Variants in ADAMTSL1 observed in about 807,000 individuals in gnomAD.
ADAMTSL1 encodes the protein ADAMTS-like protein 1.
ADAMTSL1 carries 126 observed loss-of-function variants against 201.8 expected under a neutral mutation model. That is an observed-to-expected ratio of 0.62 (90% CI 0.54 to 0.72). ADAMTSL1 has a LOEUF of 0.72. ADAMTSL1 is among the 30% of genes least tolerant of loss of function. The pLI is 0.00. For missense variants in ADAMTSL1, 2,679 were observed against 2,277.8 expected (o/e 1.18, Z -3.59); for synonymous variants, 1,121 against 903.4 (o/e 1.24, Z -4.32).
chr9:18,219,339 T>G (rs1033385079), intron 2 of ADAMTSL1, among the ~76,000 whole-genome samples: 1 of 143,126 alleles, frequency 7.0e-6, no homozygotes, highest in African/African-American at 2.6e-5. Context: ...TATTTACATT[T>G]TATTTTTATT....
intron 23 of ADAMTSL1, among the ~76,000 whole-genome samples, chr9:18,830,605 C>T (rs934379619): frequency 2.0e-5 from 3 of 151,972 alleles, no homozygotes; most frequent in Admixed American, 6.6e-5. Context: ...AGGAGTTGTA[C>T]GAGGGCATTC....
At chr9:17,907,738 G>A (rs527752734) in intron 1 of ADAMTSL1, among the ~76,000 whole-genome samples, 1 of 152,298 alleles carries the variant, frequency 6.6e-6, no homozygotes, top group South Asian at 2.1e-4. Flanking sequence ...GAAGAGGGCA[G>A]GGGTCCAGGG....
intron 1 of ADAMTSL1, among the ~76,000 whole-genome samples, chr9:18,002,843 G>C (rs1227305833): frequency 6.6e-6 from 1 of 152,028 alleles, no homozygotes; most frequent in East Asian, 1.9e-4. Flanking sequence ...GACTTACCCA[G>C]AGCCAGATAA....
intron 2 of ADAMTSL1, among the ~76,000 whole-genome samples, chr9:18,262,116 A>C (rs964934952): frequency 1.3e-5 from 2 of 152,246 alleles, no homozygotes; most frequent in African/African-American, 2.4e-5. Flanking sequence ...AGATATAGCC[A>C]GGCAAACCCT....
intron 26 of ADAMTSL1, among the ~76,000 whole-genome samples, chr9:18,895,379 C>G (rs753298605): frequency 2.6e-5 from 4 of 152,184 alleles, no homozygotes; most frequent in Non-Finnish European, 5.9e-5. Context: ...AAACAGCCAT[C>G]TTTAAGATGA....
At chr9:18,572,511 C>T (rs1822397428) in intron 3 of ADAMTSL1, among the ~76,000 whole-genome samples, 1 of 152,114 alleles carries the variant, frequency 6.6e-6, no homozygotes. Context: ...TTCTTTTCCT[C>T]TGCTACTATG....
intron 2 of ADAMTSL1, among the ~76,000 whole-genome samples, chr9:18,391,310 A>AT (rs572996195): frequency 7.4e-4 from 113 of 152,090 alleles, no homozygotes; most frequent in Non-Finnish European, 1.5e-3. Flanking sequence ...ATTACTAGAG[A>AT]TTTTTTAGTG....
intron 1 of ADAMTSL1, among the ~76,000 whole-genome samples, chr9:18,070,610 T>C (rs932587150): frequency 1.1e-4 from 16 of 152,138 alleles, no homozygotes; most frequent in Non-Finnish European, 1.9e-4. Context: ...TCTAGTAAGC[T>C]TGAACTAAAT....
At chr9:18,624,817 G>A (rs1161569134) in intron 5 of ADAMTSL1, among the ~76,000 whole-genome samples, 1 of 152,096 alleles carries the variant, frequency 6.6e-6, no homozygotes, top group Non-Finnish European at 1.5e-5. Context: ...TCAATGAAAA[G>A]TGCCCTATTC....
At chr9:18,250,865 G>T (rs891930183) in intron 2 of ADAMTSL1, among the ~76,000 whole-genome samples, 1 of 152,144 alleles carries the variant, frequency 6.6e-6, no homozygotes, top group East Asian at 1.9e-4. Context: ...GTTTGCCACT[G>T]CTAAGGAATC....
At chr9:18,195,447 G>A (rs1453072534) in intron 2 of ADAMTSL1, among the ~76,000 whole-genome samples, 1 of 152,134 alleles carries the variant, frequency 6.6e-6, no homozygotes, top group Non-Finnish European at 1.5e-5. Context: ...CTTATGAGGA[G>A]CTAGGGTCAA....
chr9:18,029,031 T>C (rs893742816), intron 1 of ADAMTSL1, among the ~76,000 whole-genome samples: 1 of 152,152 alleles, frequency 6.6e-6, no homozygotes, highest in Non-Finnish European at 1.5e-5. Flanking sequence ...CAATTGTGAA[T>C]GGGAGTTCAC....
At chr9:18,193,913 C>A (rs1829071947) in intron 2 of ADAMTSL1, among the ~76,000 whole-genome samples, 1 of 152,128 alleles carries the variant, frequency 6.6e-6, no homozygotes, top group African/African-American at 2.4e-5. Context: ...TAAGGATGGG[C>A]AAAATGCATT....
intron 2 of ADAMTSL1, among the ~76,000 whole-genome samples, chr9:18,255,816 GC>G (rs909543692): frequency 7.9e-5 from 12 of 152,190 alleles, no homozygotes; most frequent in African/African-American, 2.9e-4. Context: ...TCTCCAGCTG[GC>G]CCTTGGTAAG....
intron 1 of ADAMTSL1, among the ~76,000 whole-genome samples, chr9:18,097,014 T>C (rs1052572870): frequency 2.6e-5 from 4 of 152,228 alleles, no homozygotes; most frequent in Non-Finnish European, 2.9e-5. Flanking sequence ...TATTCATCTT[T>C]GTATCAGATA....
chr9:18,116,842 G>C (rs1043279101), intron 1 of ADAMTSL1, among the ~76,000 whole-genome samples: 1 of 152,118 alleles, frequency 6.6e-6, no homozygotes, highest in Non-Finnish European at 1.5e-5. Context: ...CATTAGGTCT[G>C]TCCTCAGACT....
intron 1 of ADAMTSL1, among the ~76,000 whole-genome samples, chr9:18,018,630 C>A (rs1243131121): frequency 6.6e-6 from 1 of 152,032 alleles, no homozygotes; most frequent in African/African-American, 2.4e-5. Flanking sequence ...TACTGATAAA[C>A]CCCATATGCA....
chr9:18,195,904 TTC>T (rs1829154821), intron 2 of ADAMTSL1, among the ~76,000 whole-genome samples: 1 of 152,184 alleles, frequency 6.6e-6, no homozygotes, highest in South Asian at 2.1e-4. Flanking sequence ...CCACACATTT[TTC>T]TCTTTTTTTG....
chr9:18,539,792 T>C (rs1334991453), intron 3 of ADAMTSL1, among the ~76,000 whole-genome samples: 1 of 152,192 alleles, frequency 6.6e-6, no homozygotes, highest in African/African-American at 2.4e-5. Context: ...TACTTTTCTC[T>C]CAAGTTATAT....
Sources: gnomAD v4.1 joint callset for allele counts (sites outside exome capture counted in the v4.1 genomes callset) on GRCh38, gnomAD v4.1.1 for gene constraint, MANE v1.5 for transcripts, NCBI Gene and HGNC (gene_info 2026-07-23, HGNC 2026-07-21) for gene names.